Variants in KCNN2 observed in about 807,000 individuals in gnomAD.
KCNN2 encodes the protein potassium calcium-activated channel subfamily N member 2, also known as small conductance calcium-activated potassium channel protein 2.
Under a neutral mutation model 55.5 loss-of-function variants are expected in KCNN2, and 24 were observed. That is an observed-to-expected ratio of 0.43 (90% confidence interval 0.31 to 0.61). KCNN2 has a LOEUF of 0.61. KCNN2 is among the 20% of genes least tolerant of loss of function. KCNN2 has a pLI of 0.08. For missense variants in KCNN2, 754 were observed against 853.6 expected (o/e 0.88, Z 1.45); for synonymous variants, 431 against 336.1 (o/e 1.28, Z -3.09).
At chr5:114,416,099 A>G (rs1256907932) in intron 3 of KCNN2, among the ~76,000 whole-genome samples, 2 of 152,214 alleles carry the variant, frequency 1.3e-5, no homozygotes, top group East Asian at 3.8e-4. Context: ...GAGCAAAAAA[A>G]GACTGTTTTT....
At chr5:114,147,263 A>G (rs1406176294) in intron 1 of KCNN2, among the ~76,000 whole-genome samples, 1 of 151,366 alleles carries the variant, frequency 6.6e-6, no homozygotes, top group Non-Finnish European at 1.5e-5. Context: ...GCTTAGGCAG[A>G]TGATTATCAA....
chr5:114,373,508 A>G (rs954728784), intron 2 of KCNN2, among the ~76,000 whole-genome samples: 23 of 150,342 alleles, frequency 1.5e-4, no homozygotes, highest in African/African-American at 5.6e-4. Flanking sequence ...GGCTTTGTGC[A>G]TTCATTCCCA....
intron 3 of KCNN2, among the ~76,000 whole-genome samples, chr5:114,425,612 G>T (rs539380793): frequency 1.8e-4 from 28 of 152,234 alleles, no homozygotes; most frequent in African/African-American, 6.3e-4. Flanking sequence ...GATCAGAGCT[G>T]CAGGAAAAAC....
chr5:114,484,821 C>T (rs1451428596), intron 5 of KCNN2, among the ~76,000 whole-genome samples: 1 of 152,078 alleles, frequency 6.6e-6, no homozygotes, highest in African/African-American at 2.4e-5. Context: ...AAAATAAATT[C>T]CTGTATTTAG....
chr5:114,242,584 T>G (rs570395716), intron 2 of KCNN2, among the ~76,000 whole-genome samples: 4 of 152,278 alleles, frequency 2.6e-5, no homozygotes, highest in African/African-American at 9.6e-5. Flanking sequence ...GGAAGACCAG[T>G]GTTCTATGTA....
intron 2 of KCNN2, among the ~76,000 whole-genome samples, chr5:114,370,642 A>G (rs73245904): frequency 6.8e-4 from 103 of 152,142 alleles, no homozygotes; most frequent in African/African-American, 2.2e-3. Context: ...AGAGTCTGGG[A>G]ACTACCTGTG....
At chr5:114,258,557 G>A (rs985195280) in intron 2 of KCNN2, among the ~76,000 whole-genome samples, 1 of 151,836 alleles carries the variant, frequency 6.6e-6, no homozygotes, top group Non-Finnish European at 1.5e-5. Flanking sequence ...ATTTCTTCCT[G>A]GTTCAATCTT....
intron 1 of KCNN2, among the ~76,000 whole-genome samples, chr5:114,121,040 A>G (rs1035546095): frequency 1.4e-4 from 22 of 152,144 alleles, no homozygotes; most frequent in Admixed American, 1.3e-3. Context: ...AAATTCCCCT[A>G]TGATGTCTGG....
rs1748092144 is a variant in KCNN2, at chr5:114,495,878, T to C, written c.2089-17T>C. ...AGGGCAAGTATAATTAACCTTCTTC[T>C]CAATCCTGTTTTTCAGACCCAGAAC... On this transcript the variant is annotated splice_polypyrimidine_tract_variant and intron_variant, in intron 7 of 7. Transcript: ENST00000673685. The C allele has an allele frequency of 6.2e-7, 1 of 1,608,416 alleles. No homozygotes were observed. The highest frequency in any genetic ancestry group is 8.5e-7 in the Non-Finnish European group (1 of 1,176,132).
intron 2 of KCNN2, among the ~76,000 whole-genome samples, chr5:114,281,651 ATG>A (rs1755626498): frequency 6.9e-6 from 1 of 144,350 alleles, no homozygotes; most frequent in Admixed American, 7.1e-5. Context: ...GTGTGTGTTT[ATG>A]TGTGCATTTG....
intron 3 of KCNN2, among the ~76,000 whole-genome samples, chr5:114,453,490 TTTC>T (rs1255266985): frequency 1.3e-5 from 2 of 152,224 alleles, no homozygotes; most frequent in African/African-American, 4.8e-5. Flanking sequence ...ACTTAGGTCA[TTTC>T]TTATTTCGTA....
chr5:114,350,995 C>T (rs565447626), intron 2 of KCNN2, among the ~76,000 whole-genome samples: 3 of 151,882 alleles, frequency 2.0e-5, no homozygotes, highest in Non-Finnish European at 4.4e-5. Flanking sequence ...CAAACCCTAT[C>T]AGCTAGGATT....
At chr5:114,445,518 CTG>C (rs1238723447) in intron 3 of KCNN2, among the ~76,000 whole-genome samples, 1 of 152,196 alleles carries the variant, frequency 6.6e-6, no homozygotes, top group Non-Finnish European at 1.5e-5. Flanking sequence ...ATTCTTCACA[CTG>C]TGTTTTAAAA....
At chr5:114,400,652 C>G (rs1489713586) in intron 2 of KCNN2, among the ~76,000 whole-genome samples, 1 of 152,190 alleles carries the variant, frequency 6.6e-6, no homozygotes, top group East Asian at 1.9e-4. Flanking sequence ...TTTCATGCTG[C>G]CCCTTGATCA....
chr5:114,339,822 T>TAAAC lies in KCNN2; in HGVS notation c.-184-21120_-184-21119insCAAA, dbSNP rs1163595946. Among the ~76,000 whole-genome samples the TAAAC allele has an allele frequency of 2.7e-5, 4 of 150,424 alleles. No homozygotes were observed. The East Asian group carries it at 7.8e-4, about 29-fold the overall frequency. The stretch of plus-strand genomic sequence containing the variant: ...TATCACAAACAAACAAACAAATAAA[T>TAAAC]AAATAAATAAATAAATAAATAAATA... On this transcript the variant is annotated intron_variant, in intron 2 of 10. Transcript: ENST00000512097.
rs1404553315 is a variant in KCNN2, at chr5:114,496,267, T to TAATC, written c.*87_*90dup. 28 of 1,401,562 alleles carry TAATC rather than the reference T, an allele frequency of 2.0e-5. 2 individuals carry two copies. Among genetic ancestry groups the TAATC allele is most frequent in the Middle Eastern group, 3.7e-4 (2 of 5,434 alleles). 86.8% of individuals were successfully genotyped at this position (1,401,562 alleles called of 1,614,324 possible). A position where few individuals can be genotyped will look rare whatever the true frequency, so the allele number is the denominator to read the frequency against. ...TTTTATTGTAAAGCCCCTATGGTTCTAATCAGCGTTATCCGGGTTCTGATG... is the reference window on the plus strand; with the variant it reads ...TTTTATTGTAAAGCCCCTATGGTTCTAATCAATCAGCGTTATCCGGGTTCTGATG... On this transcript the variant is annotated 3_prime_UTR_variant, in exon 8 of 8. Coordinates refer to ENST00000673685, the MANE Select transcript of KCNN2 (RefSeq NM_021614.4).
intron 1 of KCNN2, among the ~76,000 whole-genome samples, chr5:114,148,676 A>G (rs1752453724): frequency 6.6e-6 from 1 of 152,126 alleles, no homozygotes; most frequent in African/African-American, 2.4e-5. Flanking sequence ...TGAATGCCAC[A>G]TGTCCTCCTC....
chr5:114,304,067 G>A (rs1756219433), intron 2 of KCNN2, among the ~76,000 whole-genome samples: 2 of 152,174 alleles, frequency 1.3e-5, no homozygotes, highest in Admixed American at 6.5e-5. Context: ...GAGGGAAAGT[G>A]TAGTTAGAAA....
intron 1 of KCNN2, among the ~76,000 whole-genome samples, chr5:114,150,956 G>T (rs1752508870): frequency 1.3e-5 from 2 of 152,148 alleles, no homozygotes; most frequent in African/African-American, 4.8e-5. Context: ...GGGAGGCAGA[G>T]GTTGCGGTGA....
Sources: gnomAD v4.1 joint callset for allele counts (sites outside exome capture counted in the v4.1 genomes callset) on GRCh38, gnomAD v4.1.1 for gene constraint, MANE v1.5 for transcripts, NCBI Gene and HGNC (gene_info 2026-07-23, HGNC 2026-07-21) for gene names.